The following ICA1 variants were observed in gnomAD, a reference collection of about 807,000 sequenced individuals.
ICA1 encodes the protein islet cell autoantigen 1.
ICA1 carries 40 observed loss-of-function variants against 71.0 expected under a neutral mutation model. The ratio of observed to expected loss-of-function variants is 0.56; its 90% CI spans 0.44 to 0.73. ICA1 has a LOEUF of 0.73. Ranked by LOEUF, ICA1 falls within the 30% of genes least tolerant of loss-of-function variation. ICA1 has a pLI of 0.00. For synonymous variants in ICA1, 207 were observed against 209.5 expected (o/e 0.99, Z 0.10); for missense variants, 578 against 576.5 (o/e 1.00, Z -0.03).
At chr7:8,192,112 A>G (rs928684373) in intron 6 of ICA1, among the ~76,000 whole-genome samples, 4 of 152,226 alleles carry the variant, frequency 2.6e-5, no homozygotes, top group African/African-American at 9.6e-5. Flanking sequence ...TTACATAACC[A>G]CAGTACAATT....
chr7:8,209,379 G>A (rs1792801371), intron 6 of ICA1, among the ~76,000 whole-genome samples: 1 of 152,068 alleles, frequency 6.6e-6, no homozygotes. Context: ...AGAATTCAAG[G>A]AACAGAAATT....
At chr7:8,118,557 A>T (rs1000389368) in intron 13 of ICA1, among the ~76,000 whole-genome samples, 7 of 152,122 alleles carry the variant, frequency 4.6e-5, no homozygotes, top group African/African-American at 1.7e-4. Flanking sequence ...GAATAACATA[A>T]CCTCCCTGGT....
At chr7:8,175,265 G>A (rs1339419111) in intron 6 of ICA1, among the ~76,000 whole-genome samples, 1 of 152,040 alleles carries the variant, frequency 6.6e-6, no homozygotes, top group Non-Finnish European at 1.5e-5. Context: ...GGAAAAAGAG[G>A]GAAGAATCTG....
intron 6 of ICA1, among the ~76,000 whole-genome samples, chr7:8,202,713 C>T (rs796738997): frequency 4.6e-5 from 7 of 152,296 alleles, no homozygotes; most frequent in African/African-American, 1.7e-4. Context: ...ACAGAAATTA[C>T]CTCCAAGCCA....
chr7:8,124,025 G>C (rs2128041190), intron 13 of ICA1, among the ~76,000 whole-genome samples: 1 of 152,130 alleles, frequency 6.6e-6, no homozygotes, highest in South Asian at 2.1e-4. Context: ...AAGCACACAG[G>C]ACAGTTCCTG....
chr7:8,178,590 T>A (rs874721), intron 6 of ICA1, among the ~76,000 whole-genome samples: 140,077 of 148,414 alleles, frequency 0.94, 66,245 homozygotes, highest in Non-Finnish European at 0.97. Context: ...TTTTTTTTTT[T>A]AAAAAAGAAG....
intron 6 of ICA1, among the ~76,000 whole-genome samples, chr7:8,213,653 G>T (rs1199157536): frequency 6.6e-6 from 1 of 152,140 alleles, no homozygotes; most frequent in Non-Finnish European, 1.5e-5. Context: ...TAATGATACT[G>T]TCAAATTAAT....
chr7:8,116,595 T>C (rs1202836175), intron 13 of ICA1: 2 of 152,212 alleles, frequency 1.3e-5, no homozygotes, highest in African/African-American at 2.4e-5. Flanking sequence ...TATGCCCATT[T>C]TTCTTCTCAA....
intron 10 of ICA1, among the ~76,000 whole-genome samples, chr7:8,139,536 G>A (rs527905801): frequency 6.6e-6 from 1 of 152,338 alleles, no homozygotes; most frequent in African/African-American, 2.4e-5. Flanking sequence ...GGGATGAATA[G>A]TGGAGGACAC....
intron 6 of ICA1, among the ~76,000 whole-genome samples, chr7:8,160,281 A>C (rs137945074): frequency 7.9e-5 from 12 of 152,348 alleles, no homozygotes; most frequent in African/African-American, 2.9e-4. Context: ...ACAATGTATA[A>C]AATTATAGGA....
chr7:8,207,451 T>G (rs1484526981), intron 6 of ICA1, among the ~76,000 whole-genome samples: 1 of 152,140 alleles, frequency 6.6e-6, no homozygotes, highest in Non-Finnish European at 1.5e-5. Flanking sequence ...TTATTAGGAG[T>G]GGGATAGCTG....
At chr7:8,238,497 A>T (rs1214529439) in intron 1 of ICA1, among the ~76,000 whole-genome samples, 1 of 152,064 alleles carries the variant, frequency 6.6e-6, no homozygotes, top group East Asian at 1.9e-4. Flanking sequence ...TATTGACCCA[A>T]CTTAATTTGC....
At chr7:8,156,685 G>C (rs1019054560) in intron 8 of ICA1, 12 of 713,968 alleles carry the variant, frequency 1.7e-5, no homozygotes, top group Admixed American at 3.8e-5. Context: ...AGAAGTAAGA[G>C]AGGAAAGGAG....
At chr7:8,187,777 T>C (rs1245106166) in intron 6 of ICA1, among the ~76,000 whole-genome samples, 1 of 152,240 alleles carries the variant, frequency 6.6e-6, no homozygotes, top group African/African-American at 2.4e-5. Flanking sequence ...TTAAACTTCT[T>C]TGTTAAAAAC....
intron 6 of ICA1, among the ~76,000 whole-genome samples, chr7:8,163,326 A>G (rs1032749401): frequency 1.3e-5 from 2 of 152,254 alleles, no homozygotes; most frequent in Non-Finnish European, 2.9e-5. Context: ...AACCAATAAT[A>G]TGACAGTAGT....
chr7:8,163,717 T>C (rs1226767963), intron 6 of ICA1, among the ~76,000 whole-genome samples: 2 of 152,146 alleles, frequency 1.3e-5, no homozygotes, highest in East Asian at 1.9e-4. Context: ...AGGAAAAGTG[T>C]GTGCAAGGGT....
At chr7:8,245,946 C>A (rs17146151) in intron 1 of ICA1, among the ~76,000 whole-genome samples, 3,103 of 152,228 alleles carry the variant, frequency 0.02, 100 homozygotes, top group African/African-American at 0.069. Context: ...CCCAAATTTG[C>A]AAATTCTGCT....
intron 13 of ICA1, among the ~76,000 whole-genome samples, chr7:8,117,166 G>A (rs1291458134): frequency 6.6e-6 from 1 of 152,230 alleles, no homozygotes; most frequent in African/African-American, 2.4e-5. Context: ...TCTTTGCCAT[G>A]ATTGTAAGTT....
chr7:8,230,228 G>A (rs1799843669), intron 3 of ICA1, among the ~76,000 whole-genome samples: 1 of 152,144 alleles, frequency 6.6e-6, no homozygotes, highest in Non-Finnish European at 1.5e-5. Flanking sequence ...TCATTAGCAA[G>A]CAACGTGGAC....
Sources: gnomAD v4.1 joint callset for allele counts (sites outside exome capture counted in the v4.1 genomes callset) on GRCh38, gnomAD v4.1.1 for gene constraint, MANE v1.5 for transcripts, NCBI Gene and HGNC (gene_info 2026-07-23, HGNC 2026-07-21) for gene names.